Variants in SYTL3 observed in about 807,000 individuals in gnomAD.
SYTL3 encodes the protein synaptotagmin like 3, also known as synaptotagmin-like protein 3.
A neutral mutation model predicts 82.1 loss-of-function variants in SYTL3; 88 were observed. The observed-to-expected ratio is 1.07, with a 90% confidence interval of 0.90 to 1.28. The LOEUF is 1.28. SYTL3 is among the 50% of genes most tolerant of loss of function. The pLI is 0.00. For missense variants in SYTL3, 831 were observed against 757.6 expected, an observed-to-expected ratio of 1.10 and a Z score of -1.14; for synonymous variants, 311 against 289.4, an observed-to-expected ratio of 1.07 and a Z score of -0.76.
At chr6:158,743,598 CTTTTTTTTTTTTT>C (rs397887964) in intron 11 of SYTL3, among the ~76,000 whole-genome samples, 6 of 63,080 alleles carry the variant, frequency 9.5e-5, no homozygotes, top group Middle Eastern at 0.014. Flanking sequence ...CCAGTCCAAG[CTTTTTTTTTTTTT>C]TTTTTTTTTT....
chr6:158,666,876 C>T (rs1790122776), intron 5 of SYTL3, among the ~76,000 whole-genome samples: 4 of 152,256 alleles, frequency 2.6e-5, no homozygotes, highest in Non-Finnish European at 5.9e-5. Context: ...TGCATTCCGT[C>T]CATTTCGCTC....
intron 12 of SYTL3, among the ~76,000 whole-genome samples, chr6:158,751,172 G>T (rs1788338252): frequency 6.6e-6 from 1 of 152,148 alleles, no homozygotes; most frequent in Admixed American, 6.5e-5. Flanking sequence ...GGCTAAAGAA[G>T]GGCACAGATA....
intron 6 of SYTL3, among the ~76,000 whole-genome samples, chr6:158,703,770 C>T (rs1781597278): frequency 6.6e-6 from 1 of 151,580 alleles, no homozygotes; most frequent in East Asian, 1.9e-4. Flanking sequence ...TGCGGGTCCC[C>T]CTGCATGCTT....
At chr6:158,761,040 G>C (rs778554473) in intron 15 of SYTL3, among the ~76,000 whole-genome samples, 47 of 152,130 alleles carry the variant, frequency 3.1e-4, no homozygotes, top group Non-Finnish European at 5.1e-4. Context: ...TGGTCTCTGG[G>C]GAAACCGTGG....
chr6:158,687,108 T>A (rs1362259083), intron 6 of SYTL3, among the ~76,000 whole-genome samples: 1 of 152,216 alleles, frequency 6.6e-6, no homozygotes, highest in Non-Finnish European at 1.5e-5. Context: ...TGTGCCTCTT[T>A]CCACGCACTG....
chr6:158,671,050 C>G (rs1407289527), intron 5 of SYTL3, among the ~76,000 whole-genome samples: 1 of 151,890 alleles, frequency 6.6e-6, no homozygotes. Context: ...GTGTTCCGCC[C>G]GCCTCAGCCT....
intron 11 of SYTL3, among the ~76,000 whole-genome samples, chr6:158,730,758 A>AG (rs1436504901): frequency 6.6e-6 from 1 of 152,110 alleles, no homozygotes; most frequent in African/African-American, 2.4e-5. Flanking sequence ...GTCAGGACTA[A>AG]GGAAAGAAAA....
intron 15 of SYTL3, among the ~76,000 whole-genome samples, chr6:158,761,052 C>T (rs1490473886): frequency 2.0e-5 from 3 of 152,094 alleles, no homozygotes; most frequent in African/African-American, 7.2e-5. Context: ...AAACCGTGGC[C>T]CCTCCTGAAG....
chr6:158,745,636 G>C lies in SYTL3; in HGVS notation c.1012G>C (p.Glu338Gln), dbSNP rs1156710349. The change falls in exon 12 of 18, where the codon GAA becomes CAA. Residue 338 changes from glutamate (E) to glutamine (Q), a missense_variant. Transcript: ENST00000611299. ...KACKNLAYGE[E>Q]KKKKCNPYVK... ...CTGTAAGAACCTTGCCTATGGAGAA[G>C]AAAAGAAGAAAAAGTGCAATCCGTA... is the stretch of plus-strand genomic sequence containing the variant. 1 of 1,593,646 alleles carries C rather than the reference G, an allele frequency of 6.3e-7. No individual in the cohort carries two copies. The highest frequency in any genetic ancestry group is 8.5e-7 in the Non-Finnish European group (1 of 1,173,410).
intron 11 of SYTL3, among the ~76,000 whole-genome samples, chr6:158,733,528 T>C (rs890414746): frequency 1.8e-4 from 27 of 151,836 alleles, no homozygotes; most frequent in East Asian, 5.9e-4. Context: ...AGGGTTTCAC[T>C]GTGTTAGCCA....
At chr6:158,749,892 T>C (rs1388517800) in intron 12 of SYTL3, among the ~76,000 whole-genome samples, 1 of 152,192 alleles carries the variant, frequency 6.6e-6, no homozygotes, top group Admixed American at 6.6e-5. Flanking sequence ...ATTGGTAATT[T>C]GGCATCATCT....
intron 6 of SYTL3, among the ~76,000 whole-genome samples, chr6:158,705,570 G>T (rs1380899915): frequency 7.1e-6 from 1 of 141,680 alleles, no homozygotes; most frequent in Non-Finnish European, 1.5e-5. Context: ...GCAGCGGGGG[G>T]GGACCTGGGG....
chr6:158,709,801 A>G (rs1375895503), intron 8 of SYTL3, among the ~76,000 whole-genome samples: 1 of 152,214 alleles, frequency 6.6e-6, no homozygotes, highest in African/African-American at 2.4e-5. Flanking sequence ...TATTTAAAAA[A>G]TTTAAAGGGG....
At chr6:158,697,178 C>T (rs1780644975) in intron 6 of SYTL3, among the ~76,000 whole-genome samples, 1 of 151,258 alleles carries the variant, frequency 6.6e-6, no homozygotes, top group Non-Finnish European at 1.5e-5. Context: ...GTGGCTTACA[C>T]CTGTAATTTC....
At chr6:158,725,851 C>G (rs1233730574) in intron 11 of SYTL3, 2 of 716,826 alleles carry the variant, frequency 2.8e-6, no homozygotes, top group East Asian at 2.6e-5. Context: ...TGGAGTTACT[C>G]CAGGTGTGTC....
chr6:158,700,975 G>A (rs1292587022), intron 6 of SYTL3, among the ~76,000 whole-genome samples: 1 of 152,192 alleles, frequency 6.6e-6, no homozygotes, highest in Non-Finnish European at 1.5e-5. Context: ...ACCAGGGACA[G>A]CGAGATGCAG....
chr6:158,737,401 C>T (rs1365842143), intron 11 of SYTL3, among the ~76,000 whole-genome samples: 2 of 152,204 alleles, frequency 1.3e-5, no homozygotes, highest in Non-Finnish European at 2.9e-5. Flanking sequence ...TTTAATTTAG[C>T]TGTGGCTTCA....
intron 6 of SYTL3, among the ~76,000 whole-genome samples, chr6:158,694,409 C>G (rs920599807): frequency 3.9e-5 from 6 of 152,074 alleles, no homozygotes; most frequent in African/African-American, 1.2e-4. Flanking sequence ...AATCCTCCCT[C>G]TCAGCCTGCC....
Position 158,718,086 on chromosome 6 carries a change from G to A in SYTL3, c.596-1G>A. The stretch of plus-strand genomic sequence containing the variant: ...CATCAACCCTTGTGTTTGCCTTTTA[G>A]AGCTCTCCAAATCCCAGAATGATAT... On this transcript the variant is annotated splice_acceptor_variant, in intron 9 of 17. Coordinates refer to ENST00000611299, the MANE Select transcript of SYTL3 (RefSeq NM_001242394.2). LOFTEE classifies it high-confidence loss of function. 6.5e-7 allele frequency: 1 copy of A among 1,528,774 alleles called. No individual in the cohort carries two copies. Among genetic ancestry groups the A allele is most frequent in the East Asian group, 2.5e-5 (1 of 39,766 alleles). 94.7% of individuals were successfully genotyped at this position (1,528,774 alleles called of 1,614,324 possible).
Sources: allele counts gnomAD v4.1 joint callset (sites outside exome capture counted in the v4.1 genomes callset), GRCh38; gene constraint gnomAD v4.1.1; transcripts MANE v1.5; gene names NCBI Gene and HGNC (gene_info 2026-07-23, HGNC 2026-07-21).